The following SRRM4 variants were observed in gnomAD, a reference collection of about 807,000 sequenced individuals.
SRRM4 encodes the protein serine/arginine repetitive matrix 4, also known as serine/arginine repetitive matrix protein 4.
In SRRM4, 33 loss-of-function variants were observed where a neutral mutation model predicts 68.9. The ratio of observed to expected loss-of-function variants is 0.48; its 90% CI spans 0.36 to 0.64. The LOEUF is 0.64. Among genes scored for constraint, SRRM4 ranks in the 30% least tolerant of loss-of-function variants. The pLI is 0.00. For missense variants in SRRM4, 817 were observed against 827.1 expected (o/e 0.99, Z 0.15); for synonymous variants, 318 against 318.8 (o/e 1.00, Z 0.03).
chr12:119,073,806 A>C (rs557052796), intron 1 of SRRM4, among the ~76,000 whole-genome samples: 1 of 151,854 alleles, frequency 6.6e-6, no homozygotes, highest in East Asian at 2.0e-4. Flanking sequence ...TTTTTAATAG[A>C]TAAATAGACA....
intron 1 of SRRM4, among the ~76,000 whole-genome samples, chr12:119,005,176 C>T (rs899040632): frequency 2.6e-5 from 4 of 152,202 alleles, no homozygotes; most frequent in African/African-American, 4.8e-5. Flanking sequence ...GCTCTCAGCT[C>T]AAAGCATTCA....
intron 1 of SRRM4, among the ~76,000 whole-genome samples, chr12:118,992,513 C>T (rs1174025994): frequency 6.6e-6 from 1 of 152,172 alleles, no homozygotes; most frequent in Non-Finnish European, 1.5e-5. Context: ...CAGTGTTTTG[C>T]CCCAGCCTCC....
chr12:119,011,601 T>A (rs1953450193), intron 1 of SRRM4, among the ~76,000 whole-genome samples: 1 of 152,082 alleles, frequency 6.6e-6, no homozygotes, highest in South Asian at 2.1e-4. Flanking sequence ...CGTTTGCAAA[T>A]CAAGAGATGT....
Position 118,981,961 on chromosome 12 carries a change from C to T in SRRM4, c.79C>T (p.Arg27Cys). 6.2e-7 allele frequency: 1 copy of T among 1,612,288 alleles called. No homozygotes were observed. Among genetic ancestry groups the T allele is most frequent in the South Asian group, 1.1e-5 (1 of 90,558 alleles). ...AACCTTCAAAGCGGTGGCCACCCCC[C>T]GTCCCGAGAGCATCATTGTCGCCAG... is the stretch of plus-strand genomic sequence containing the variant. The part of the protein sequence containing the change: ...RGTFKAVATP[R>C]PESIIVASIT... The change falls in exon 1 of 13, where the codon CGT (arginine) becomes TGT (cysteine). Residue 27 changes from arginine to cysteine, a missense_variant. Coordinates refer to ENST00000267260, the MANE Select transcript of SRRM4 (RefSeq NM_194286.4).
intron 1 of SRRM4, among the ~76,000 whole-genome samples, chr12:118,984,081 GT>G (rs1332431507): frequency 6.6e-6 from 1 of 152,152 alleles, no homozygotes; most frequent in Non-Finnish European, 1.5e-5. Context: ...ACAGATTCCG[GT>G]TTTATAACTG....
At chr12:119,024,080 C>T (rs1054363009) in intron 1 of SRRM4, among the ~76,000 whole-genome samples, 4 of 152,044 alleles carry the variant, frequency 2.6e-5, no homozygotes, top group African/African-American at 9.7e-5. Flanking sequence ...CTACTTTCCC[C>T]ATCTATTCAT....
intron 1 of SRRM4, among the ~76,000 whole-genome samples, chr12:118,994,578 C>T (rs949013080): frequency 6.6e-6 from 1 of 152,192 alleles, no homozygotes; most frequent in Non-Finnish European, 1.5e-5. Context: ...AGTCACCAAG[C>T]AAATGTCAGT....
At chr12:119,145,752 A>C in intron 9 of SRRM4, 67 bp downstream of exon 9, 145 of 1,298,816 alleles carry the variant, frequency 1.1e-4, no homozygotes, top group Middle Eastern at 2.0e-4. Context: ...TCATGCTCTC[A>C]TCCCAGCCTC....
chr12:119,046,793 A>T (rs1015585666), intron 1 of SRRM4, among the ~76,000 whole-genome samples: 12 of 152,132 alleles, frequency 7.9e-5, no homozygotes, highest in African/African-American at 2.9e-4. Context: ...TTGGTCTTCT[A>T]TTTCACAGGT....
chr12:119,108,826 A>C (rs1426956035), intron 2 of SRRM4, among the ~76,000 whole-genome samples: 1 of 152,092 alleles, frequency 6.6e-6, no homozygotes, highest in Admixed American at 6.5e-5. Context: ...TTACATTTTA[A>C]GGTTAATATT....
At chr12:119,124,225 G>A (rs1185668720) in intron 6 of SRRM4, 2 of 152,176 alleles carry the variant, frequency 1.3e-5, no homozygotes, top group Non-Finnish European at 2.9e-5. Context: ...TCATCCCTAA[G>A]ACATCATGAA....
intron 4 of SRRM4, among the ~76,000 whole-genome samples, chr12:119,119,649 G>A (rs1452181833): frequency 1.3e-5 from 2 of 152,108 alleles, no homozygotes; most frequent in Non-Finnish European, 2.9e-5. Context: ...CAGGGCTTGG[G>A]GAAGATTGAA....
intron 8 of SRRM4, among the ~76,000 whole-genome samples, chr12:119,135,348 C>G (rs1389692799): frequency 6.6e-6 from 1 of 152,150 alleles, no homozygotes; most frequent in East Asian, 1.9e-4. Context: ...GTTTCTTGTT[C>G]CTCTTCTTGC....
intron 8 of SRRM4, among the ~76,000 whole-genome samples, chr12:119,140,325 C>T (rs1041014653): frequency 8.0e-5 from 12 of 149,526 alleles, no homozygotes; most frequent in Admixed American, 3.4e-4. Flanking sequence ...CTGCAGTGAG[C>T]GGAGATCATG....
intron 2 of SRRM4, among the ~76,000 whole-genome samples, chr12:119,113,389 CT>C (rs1954156794): frequency 6.6e-6 from 1 of 152,174 alleles, no homozygotes; most frequent in Admixed American, 6.5e-5. Context: ...TGGACACATT[CT>C]AATTGTCTAG....
chr12:119,085,126 C>T (rs1053448635), intron 1 of SRRM4, among the ~76,000 whole-genome samples: 1 of 152,144 alleles, frequency 6.6e-6, no homozygotes, highest in Admixed American at 6.5e-5. Flanking sequence ...GTCTCAAACT[C>T]CAGACCTCAG....
chr12:119,003,547 G>A (rs1411300646), intron 1 of SRRM4, among the ~76,000 whole-genome samples: 2 of 151,998 alleles, frequency 1.3e-5, no homozygotes, highest in Admixed American at 1.3e-4. Context: ...TAGAGGTTCC[G>A]AGGGGAGGTC....
intron 2 of SRRM4, among the ~76,000 whole-genome samples, chr12:119,103,997 C>T (rs1017536622): frequency 9.9e-5 from 15 of 152,154 alleles, no homozygotes; most frequent in Admixed American, 7.9e-4. Flanking sequence ...AGTGAGACTC[C>T]GTCTCAAAAT....
chr12:119,056,858 T>C (rs1421217100), intron 1 of SRRM4, among the ~76,000 whole-genome samples: 1 of 152,208 alleles, frequency 6.6e-6, no homozygotes, highest in African/African-American at 2.4e-5. Context: ...CATGCTAAAA[T>C]GTGAACTCCA....
Sources: allele counts gnomAD v4.1 joint callset (sites outside exome capture counted in the v4.1 genomes callset), GRCh38; gene constraint gnomAD v4.1.1; transcripts MANE v1.5; gene names NCBI Gene and HGNC (gene_info 2026-07-23, HGNC 2026-07-21).